CCT6B: variants seen among roughly 807,000 people sequenced by gnomAD.
CCT6B encodes probable T-complex protein 1 subunit zeta-2.
A neutral mutation model predicts 61.5 loss-of-function variants in CCT6B; 49 were observed. The observed-to-expected ratio is 0.80, with a 90% CI of 0.63 to 1.01. The LOEUF is 1.01. Ranked by LOEUF, CCT6B falls within the 50% of genes least tolerant of loss-of-function variation. CCT6B has a pLI of 0.00. For synonymous variants in CCT6B, 228 were observed against 214.5 expected, an observed-to-expected ratio of 1.06 and a Z score of -0.55; for missense variants, 666 against 634.7, an observed-to-expected ratio of 1.05 and a Z score of -0.53.
intron 3 of CCT6B, among the ~76,000 whole-genome samples, chr17:34,955,796 G>A (rs2090341493): frequency 6.6e-6 from 1 of 152,146 alleles, no homozygotes; most frequent in African/African-American, 2.4e-5. Flanking sequence ...ACATCATGAA[G>A]TGGGTATTAT....
At chr17:34,948,212 C>T (rs1464423242) in intron 5 of CCT6B, among the ~76,000 whole-genome samples, 2 of 152,018 alleles carry the variant, frequency 1.3e-5, no homozygotes, top group Non-Finnish European at 2.9e-5. Flanking sequence ...CACCCTTCCC[C>T]CCGGGGTCCC....
In CCT6B at chr17:34,940,414, T is replaced by C. The variant is rs894413670; in HGVS notation, c.968+125A>G. On this transcript the variant is annotated intron_variant, in intron 8 of 13. Coordinates refer to ENST00000314144, the MANE Select transcript of CCT6B (RefSeq NM_006584.4). ...TTATTTACTGAAACTAAAAACAAAA[T>C]TTGGATTTTTTTATGCCACTGTTTT... The C allele has an allele frequency of 5.3e-6, 3 of 565,420 alleles. No homozygotes were observed. In the Admixed American group the frequency reaches 1.1e-4, roughly 21 times the overall value. 35.0% of individuals were successfully genotyped at this position (565,420 alleles called of 1,614,324 possible).
chr17:34,961,414 G>T lies in CCT6B; in HGVS notation c.-21C>A. ...GCCATAGCCTAACCGTTCAGAGGGA[G>T]AAAAAAAAAAAGCCTTAGTCGCGAT... On this transcript the variant is annotated 5_prime_UTR_variant, in exon 1 of 14. Coordinates refer to ENST00000314144, the MANE Select transcript of CCT6B (RefSeq NM_006584.4). 1 of 1,233,346 alleles carries T rather than the reference G, an allele frequency of 8.1e-7. No homozygotes were observed. The highest frequency in any genetic ancestry group is 1.1e-6 in the Non-Finnish European group (1 of 905,792). 76.4% of individuals were successfully genotyped at this position (1,233,346 alleles called of 1,614,324 possible). A position where few individuals can be genotyped will look rare whatever the true frequency, so the allele number is the denominator to read the frequency against.
chr17:34,936,520 C>T (rs1207753304), intron 10 of CCT6B, among the ~76,000 whole-genome samples: 1 of 152,116 alleles, frequency 6.6e-6, no homozygotes, highest in Non-Finnish European at 1.5e-5. Flanking sequence ...AATGTAATCA[C>T]TTATATAGAT....
intron 3 of CCT6B, among the ~76,000 whole-genome samples, chr17:34,955,184 T>C (rs1320893546): frequency 3.3e-5 from 5 of 152,150 alleles, no homozygotes. Flanking sequence ...AAAAGGCAGC[T>C]CAGGAACTAG....
chr17:34,946,454 G>C (rs909652485), intron 5 of CCT6B, among the ~76,000 whole-genome samples: 1 of 152,046 alleles, frequency 6.6e-6, no homozygotes, highest in Non-Finnish European at 1.5e-5. Flanking sequence ...GCAAGGAATA[G>C]AACACCATAA....
intron 5 of CCT6B, among the ~76,000 whole-genome samples, chr17:34,950,157 T>C (rs143931008): frequency 6.6e-6 from 1 of 152,254 alleles, no homozygotes; most frequent in African/African-American, 2.4e-5. Flanking sequence ...AGAAAATATT[T>C]TAAACTGAAT....
chr17:34,955,160 A>G (rs74516254), intron 3 of CCT6B, among the ~76,000 whole-genome samples: 3,925 of 152,324 alleles, frequency 0.026, 68 homozygotes, highest in East Asian at 0.097. Context: ...AAAAGTAGCA[A>G]TATCATGAAG....
rs2090389234 is a variant in CCT6B at position 34,959,633 on chromosome 17, C to A, written c.155G>T (p.Gly52Val). Residue 52 changes from glycine to valine, a missense_variant, in exon 2 of 14, where the codon GGT becomes GTT. Gly to Val is a moderately radical substitution (Grantham distance 109, BLOSUM62 -3). Transcript: ENST00000314144. ...GTMKMLVSGA[G>V]DIKLTKDGNV... Reference sequence around the variant, plus strand: ...GCCATCTTTGGTGAGTTTGATGTCACCTGCACCAGAAACAAGCCTGTTCAG... The same window carrying A: ...GCCATCTTTGGTGAGTTTGATGTCAACTGCACCAGAAACAAGCCTGTTCAG... 1 of 1,612,484 alleles carries A rather than the reference C, an allele frequency of 6.2e-7. No homozygotes were observed. The highest frequency in any genetic ancestry group is 1.3e-5 in the African/African-American group (1 of 74,860).
intron 2 of CCT6B, among the ~76,000 whole-genome samples, chr17:34,959,320 C>A (rs1182713721): frequency 7.3e-6 from 1 of 137,446 alleles, no homozygotes; most frequent in Non-Finnish European, 1.5e-5. Flanking sequence ...TTTGTAGAGA[C>A]GGTTTTCACC....
At chr17:34,940,476 A>C (rs2090150744) in intron 8 of CCT6B, 63 bp downstream of exon 8, 3 of 865,724 alleles carry the variant, frequency 3.5e-6, no homozygotes, top group Non-Finnish European at 5.5e-6. Context: ...AAAGGAAAAC[A>C]CATGGGATAG....
chr17:34,935,925 G>A (rs1382861047), intron 10 of CCT6B, among the ~76,000 whole-genome samples: 4 of 128,624 alleles, frequency 3.1e-5, no homozygotes, highest in African/African-American at 9.7e-5. Flanking sequence ...ATTTATTCTC[G>A]TGTGTGTGTG....
At chr17:34,958,923 T>C (rs2090379372) in intron 2 of CCT6B, among the ~76,000 whole-genome samples, 1 of 152,150 alleles carries the variant, frequency 6.6e-6, no homozygotes, top group Non-Finnish European at 1.5e-5. Context: ...CAGAATGCAA[T>C]GACATTTCTA....
At position 34,951,139 on chromosome 17, in the gene CCT6B, C is replaced by T. The variant is rs149841929; in HGVS notation, c.614+811G>A. Among the ~76,000 whole-genome samples, 568 of 152,186 alleles carry T rather than the reference C, an allele frequency of 3.7e-3. 4 individuals are homozygous for T. The highest frequency in any genetic ancestry group is 5.3e-3 in the Non-Finnish European group (359 of 68,018). ...TGCACTATACAGACTGTGCGTAGAT[C>T]TTAATCCAAACAAAACTGAAAAAAA... On this transcript the variant is annotated intron_variant, in intron 5 of 13. Transcript: ENST00000314144.
intron 10 of CCT6B, among the ~76,000 whole-genome samples, chr17:34,936,437 T>C (rs1328514700): frequency 6.6e-6 from 1 of 152,186 alleles, no homozygotes; most frequent in Non-Finnish European, 1.5e-5. Context: ...CTGGAGGTTC[T>C]GGCCCATGAA....
At chr17:34,943,497 A>G (rs564699172) in intron 5 of CCT6B, 1 of 152,344 alleles carries the variant, frequency 6.6e-6, no homozygotes, top group African/African-American at 2.4e-5. Flanking sequence ...AACATGGAAA[A>G]ATATTTATAG....
At chr17:34,941,138 A>G (rs1357623636) in intron 7 of CCT6B, among the ~76,000 whole-genome samples, 1 of 152,214 alleles carries the variant, frequency 6.6e-6, no homozygotes, top group African/African-American at 2.4e-5. Flanking sequence ...CTCAGTAAGT[A>G]ATAGTTTCTC....
At chr17:34,960,738 C>G (rs2090404123) in intron 1 of CCT6B, among the ~76,000 whole-genome samples, 1 of 152,146 alleles carries the variant, frequency 6.6e-6, no homozygotes, top group African/African-American at 2.4e-5. Flanking sequence ...GTCTCTTTTC[C>G]TCACTCTTGT....
intron 2 of CCT6B, 51 bp downstream of exon 2, chr17:34,959,536 C>T (rs1308762720): frequency 7.8e-7 from 1 of 1,280,084 alleles, no homozygotes; most frequent in Non-Finnish European, 1.1e-6. Flanking sequence ...TTCTACTATG[C>T]TTCTAATTAA....
Sources: allele counts gnomAD v4.1 joint callset (sites outside exome capture counted in the v4.1 genomes callset), GRCh38; gene constraint gnomAD v4.1.1; transcripts MANE v1.5; gene names NCBI Gene and HGNC (gene_info 2026-07-23, HGNC 2026-07-21).